Variants in SLCO3A1 observed in about 807,000 individuals in gnomAD.
SLCO3A1 encodes solute carrier organic anion transporter family member 3A1.
Under a neutral mutation model 63.1 loss-of-function variants are expected in SLCO3A1, and 27 were observed. The ratio of observed to expected loss-of-function variants is 0.43; its 90% CI spans 0.32 to 0.59. The LOEUF is 0.59. SLCO3A1 is among the 20% of genes least tolerant of loss of function. SLCO3A1 has a pLI of 0.09. For missense variants in SLCO3A1, 773 were observed against 945.8 expected, an observed-to-expected ratio of 0.82 and a Z score of 2.40; for synonymous variants, 473 against 409.9, an observed-to-expected ratio of 1.15 and a Z score of -1.86.
intron 9 of SLCO3A1, among the ~76,000 whole-genome samples, chr15:92,153,947 C>G (rs1006850275): frequency 6.6e-6 from 1 of 152,146 alleles, no homozygotes; most frequent in African/African-American, 2.4e-5. Context: ...CTGCATTTGA[C>G]CTTTATCTTG....
At chr15:91,913,227 GA>G (rs1898539196) in intron 1 of SLCO3A1, among the ~76,000 whole-genome samples, 1 of 152,222 alleles carries the variant, frequency 6.6e-6, no homozygotes, top group Non-Finnish European at 1.5e-5. Flanking sequence ...AAGCACAATA[GA>G]AATAGGAGTT....
At chr15:92,043,888 C>T (rs1543166) in intron 2 of SLCO3A1, among the ~76,000 whole-genome samples, 109,358 of 151,536 alleles carry the variant, frequency 0.72, 40,642 homozygotes, top group Admixed American at 0.86. Context: ...CTGCCTCCCT[C>T]CTCCTGTTTC....
intron 2 of SLCO3A1, among the ~76,000 whole-genome samples, chr15:92,032,026 G>A (rs928919045): frequency 2.0e-5 from 3 of 152,130 alleles, no homozygotes; most frequent in African/African-American, 7.2e-5. Context: ...TTGGCATGGG[G>A]ACTGAGGCCC....
At chr15:92,068,759 A>G (rs1403698840) in intron 2 of SLCO3A1, among the ~76,000 whole-genome samples, 1 of 152,132 alleles carries the variant, frequency 6.6e-6, no homozygotes, top group African/African-American at 2.4e-5. Context: ...CCAGAACTAG[A>G]AAGCAGAAAG....
rs965518321 is a variant in SLCO3A1 at position 91,912,860 on chromosome 15, A to G, written c.181-3133A>G. Reference sequence around the variant, plus strand: ...GTCCCCTTTGGACCTCTCAAGACTCACACAAAGGCCTGGGCGAGGCTCCCC... The same window carrying G: ...GTCCCCTTTGGACCTCTCAAGACTCGCACAAAGGCCTGGGCGAGGCTCCCC... On this transcript the variant is annotated intron_variant, in intron 1 of 9. Transcript: ENST00000318445. This position sits in a 1 kb window ranked among gnomAD's most constrained non-coding sequence, Gnocchi z 5.0. Among the ~76,000 whole-genome samples, 14 of 152,104 alleles carry G rather than the reference A, an allele frequency of 9.2e-5. No individual in the cohort carries two copies. The highest frequency in any genetic ancestry group is 2.1e-4 in the South Asian group (1 of 4,816).
At chr15:92,046,621 C>A (rs990985784) in intron 2 of SLCO3A1, among the ~76,000 whole-genome samples, 23 of 152,098 alleles carry the variant, frequency 1.5e-4, no homozygotes, top group African/African-American at 5.3e-4. Context: ...GCAGTACAGG[C>A]TGCCTTGTCC....
intron 2 of SLCO3A1, among the ~76,000 whole-genome samples, chr15:92,087,237 T>G (rs906909969): frequency 6.6e-6 from 1 of 152,000 alleles, no homozygotes; most frequent in African/African-American, 2.4e-5. Context: ...CCAACTGTTT[T>G]GCAGTGCACA....
At chr15:91,907,184 G>T (rs1433937987) in intron 1 of SLCO3A1, among the ~76,000 whole-genome samples, 1 of 152,144 alleles carries the variant, frequency 6.6e-6, no homozygotes, top group Non-Finnish European at 1.5e-5. Context: ...GAGTCTTAAA[G>T]GACAGACCAA....
chr15:91,992,589 G>A (rs1292223968), intron 2 of SLCO3A1, among the ~76,000 whole-genome samples: 4 of 152,212 alleles, frequency 2.6e-5, no homozygotes, highest in Non-Finnish European at 5.9e-5. Flanking sequence ...GCAGTATTGT[G>A]TACATGGATC....
intron 2 of SLCO3A1, among the ~76,000 whole-genome samples, chr15:92,028,908 AGTGTGTGTGTGTGTGT>A (rs61238614): frequency 8.3e-6 from 1 of 120,068 alleles, no homozygotes; most frequent in African/African-American, 3.4e-5. Flanking sequence ...TGCAGGCACA[AGTGTGTGTGTGTGTGT>A]GTGTGTGTGT....
chr15:91,970,912 C>T (rs1900835358), intron 2 of SLCO3A1, among the ~76,000 whole-genome samples: 1 of 152,126 alleles, frequency 6.6e-6, no homozygotes, highest in East Asian at 1.9e-4. Context: ...TGCATGTGTG[C>T]AAATCCTTAA....
At chr15:92,037,778 A>C (rs2046746472) in intron 2 of SLCO3A1, among the ~76,000 whole-genome samples, 2 of 152,220 alleles carry the variant, frequency 1.3e-5, no homozygotes, top group South Asian at 4.1e-4. Context: ...AGGAACTAGA[A>C]TATTAGCAGG....
chr15:92,097,915 T>A (rs1165985444), intron 3 of SLCO3A1: 2 of 152,262 alleles, frequency 1.3e-5, no homozygotes, highest in Admixed American at 6.5e-5. Flanking sequence ...TCTTAATTGC[T>A]TTAGGGCCTC....
At chr15:91,940,366 C>T (rs1567195970) in intron 2 of SLCO3A1, among the ~76,000 whole-genome samples, 1 of 152,266 alleles carries the variant, frequency 6.6e-6, no homozygotes, top group East Asian at 1.9e-4. Flanking sequence ...GCCCGTGAGA[C>T]TCCCCCAAGC....
At chr15:92,120,372 G>A (rs1000355365) in intron 4 of SLCO3A1, 93 bp from the exon 5 acceptor site, 77 of 1,312,276 alleles carry the variant, frequency 5.9e-5, no homozygotes, top group Non-Finnish European at 7.4e-5. Flanking sequence ...GGACAAGAGC[G>A]GGCCAAGAAG....
intron 2 of SLCO3A1, among the ~76,000 whole-genome samples, chr15:92,070,569 A>G (rs1318840837): frequency 1.3e-5 from 2 of 151,706 alleles, no homozygotes; most frequent in East Asian, 3.9e-4. Context: ...CTTGAACCCC[A>G]GGAGGTGGAG....
chr15:92,102,319 A>G (rs74030481), intron 3 of SLCO3A1, among the ~76,000 whole-genome samples: 2 of 152,120 alleles, frequency 1.3e-5, no homozygotes, highest in Non-Finnish European at 2.9e-5. Flanking sequence ...GTGTTTTCCC[A>G]TGCTGTACCC....
rs1899664493 is a variant in SLCO3A1, at chr15:91,942,702, G to A, written c.646+26244G>A. Among the ~76,000 whole-genome samples, 1 of 152,150 alleles carries A rather than the reference G, an allele frequency of 6.6e-6. No homozygotes were observed. Among genetic ancestry groups the A allele is most frequent in the Non-Finnish European group, 1.5e-5 (1 of 68,024 alleles). ...GGGTGAAGGTAATTCCCAAGAAGCT[G>A]GAATTACAGGCGTGCACCACCACGC... is the stretch of plus-strand genomic sequence containing the variant. On this transcript the variant is annotated intron_variant, in intron 2 of 9. Transcript: ENST00000318445. The surrounding 1 kb of genome is among the most constrained non-coding windows in gnomAD (Gnocchi z 4.1).
intron 7 of SLCO3A1, among the ~76,000 whole-genome samples, chr15:92,130,885 CAAAAAA>C (rs993611856): frequency 6.9e-4 from 15 of 21,832 alleles, no homozygotes; most frequent in South Asian, 1.8e-3. Context: ...AAGTTCGGGG[CAAAAAA>C]AAAAAAAAAA....
Sources: allele counts gnomAD v4.1 joint callset (sites outside exome capture counted in the v4.1 genomes callset), GRCh38; gene constraint gnomAD v4.1.1; non-coding constraint Gnocchi (gnomAD v3.1); transcripts MANE v1.5; gene names NCBI Gene and HGNC (gene_info 2026-07-23, HGNC 2026-07-21).